CHTF18: variants seen among roughly 807,000 people sequenced by gnomAD.
CHTF18 encodes chromosome transmission fidelity factor 18, also known as chromosome transmission fidelity protein 18 homolog.
A neutral mutation model predicts 113.4 loss-of-function variants in CHTF18; 151 were observed. That is an observed-to-expected ratio of 1.33 (90% confidence interval 1.17 to 1.52). The LOEUF is 1.52. Ranked by LOEUF, CHTF18 falls within the 40% of genes most tolerant of loss-of-function variation. The probability of loss-of-function intolerance (pLI) is 0.00; values close to 1 mark genes in which losing one functional copy is unlikely to be tolerated. For synonymous variants in CHTF18, 916 were observed against 598.8 expected (o/e 1.53, Z -7.74); for missense variants, 1,982 against 1,381.6 (o/e 1.43, Z -6.89).
In CHTF18 at chr16:796,869, C is replaced by T. The variant is rs201745037; in HGVS notation, c.2601+8C>T. On this transcript the variant is annotated splice_region_variant and intron_variant, in intron 19 of 21. Transcript: ENST00000262315. ...GTAGAGAACAGCCCCCAGGTGAGCC[C>T]ACCCAGGCTCTGGAGCAGGTTGCAG... 5.8e-4 allele frequency: 927 copies of T among 1,586,302 alleles called. 5 individuals carry two copies. The highest frequency in any genetic ancestry group is 3.4e-3 in the South Asian group (297 of 87,618).
In CHTF18 at chr16:788,700, C is replaced by G. The variant is rs781389582; in HGVS notation, c.16C>G (p.Gln6Glu). The G allele has an allele frequency of 2.5e-6, 4 of 1,597,602 alleles. No individual in the cohort carries two copies. The African/African-American group carries it at 4.1e-5, about 16-fold the overall frequency. The change falls in exon 1 of 22, where the codon CAG becomes GAG. Residue 6 changes from glutamine to glutamate, a missense_variant. Gln to Glu is a conservative substitution (Grantham distance 29). Coordinates refer to ENST00000262315, the MANE Select transcript of CHTF18 (RefSeq NM_022092.3). MEDYE[Q>E]ELCGVEDDFH... ...CGCGGACGGTATGGAGGACTACGAG[C>G]AGGAGCTGTGCGGCGTCGAGGATGA...
rs149274107 is a variant in CHTF18, at chr16:790,607, C to G, written c.835C>G (p.His279Asp). ...EPTDGQDASS[H>D]CLWVDEFAPR... ...GACTGACGGTCAAGACGCCTCCAGT[C>G]ACTGCCTCTGGGTGGATGAGTTTGC... Residue 279 changes from histidine to aspartate, a missense_variant, in exon 7 of 22, where the codon CAC becomes GAC. Transcript: ENST00000262315. The G allele has an allele frequency of 1.3e-3, 2,021 of 1,596,418 alleles. 21 individuals carry two copies. In the African/African-American group the frequency reaches 0.024, roughly 19 times the overall value.
chr16:790,783 C>T (rs2042176273), intron 7 of CHTF18, 117 bp downstream of exon 7: 2 of 1,436,888 alleles, frequency 1.4e-6, no homozygotes, highest in Non-Finnish European at 1.8e-6. Flanking sequence ...GGAGTGGGCT[C>T]TGGTTTGCCC....
chr16:792,668 TG>T lies in CHTF18; in HGVS notation c.1479-47del, dbSNP rs1455910181. ...AGGGTTCCGGCCCGTCCCTGTGTCC[TG>T]GGCTGTGGTGCCAACCCTGGGGTCC... On this transcript the variant is annotated intron_variant, in intron 11 of 21. Transcript: ENST00000262315. The T allele has an allele frequency of 2.5e-6, 4 of 1,587,658 alleles. No homozygotes were observed. The East Asian group carries it at 6.8e-5, about 27-fold the overall frequency.
chr16:796,129 G>C, intron 18 of CHTF18, 52 bp downstream of exon 18: 3 of 1,563,800 alleles, frequency 1.9e-6, no homozygotes, highest in Non-Finnish European at 2.6e-6. Flanking sequence ...CCCCGGCTGT[G>C]CTCCATGTTC....
chr16:791,368 A>G lies in CHTF18; in HGVS notation c.1102A>G (p.Lys368Glu). ...GGACCCGAGCCAGCGACCGAAGCAG[A>G]AGGTGAGCCCCGCTGGCTGTGCCGC... Reference protein sequence around the residue: ...GLDPSQRPKQKVALLCGPPGL... With the variant: ...GLDPSQRPKQEVALLCGPPGL... The change falls in exon 8 of 22, where the codon AAG becomes GAG. Residue 368 changes from lysine to glutamate, a missense_variant and splice_region_variant. By Grantham distance (56) the Lys-to-Glu change is moderately conservative. Transcript: ENST00000262315. 1.9e-6 allele frequency: 3 copies of G among 1,600,594 alleles called. No individual in the cohort carries two copies. The highest frequency in any genetic ancestry group is 2.2e-5 in the East Asian group (1 of 44,578).
chr16:790,759 T>C, intron 7 of CHTF18, 93 bp downstream of exon 7: 3 of 1,445,110 alleles, frequency 2.1e-6, no homozygotes, highest in East Asian at 2.5e-5. Flanking sequence ...GCCAATCCAC[T>C]GGGCCTCGGA....
chr16:794,263 C>T, intron 15 of CHTF18, 62 bp downstream of exon 15: 2 of 1,564,708 alleles, frequency 1.3e-6, no homozygotes, highest in Non-Finnish European at 8.7e-7. Context: ...GGCTGTGCCC[C>T]TGCCCCTGCC....
rs1196600127 is a variant in CHTF18 at position 789,320 on chromosome 16, C to T, written c.397C>T (p.Pro133Ser). Residue 133 changes from proline (P) to serine (S), a missense_variant, in exon 3 of 22, where the codon CCG (proline) becomes TCG (serine). Pro to Ser is a moderately conservative substitution (Grantham distance 74). Coordinates refer to ENST00000262315, the MANE Select transcript of CHTF18 (RefSeq NM_022092.3). ...PDSSPTDITP[P>S]PSPEDLAELW... ...CTCCTCGCCGACGGACATCACCCCG[C>T]CGCCGAGCCCTGAGGACCTCGCAGA... The T allele has an allele frequency of 3.7e-6, 6 of 1,601,660 alleles. No individual in the cohort carries two copies. The Admixed American group carries it at 8.5e-5, about 23-fold the overall frequency.
chr16:796,995 TGG>T lies in CHTF18; in HGVS notation c.2641_2642del (p.Gly881HisfsTer15), dbSNP rs1475953622. ...AGCCCCCCAGGGCTCGAGGGTCTGC[TGG>T]GGGGCATTGGGGAGAAAGGGGTGCA... is the stretch of plus-strand genomic sequence containing the variant. On this transcript the variant is annotated frameshift_variant, in exon 20 of 22. Transcript: ENST00000262315. LOFTEE classifies it high-confidence loss of function. 1.3e-6 allele frequency: 2 copies of T among 1,542,448 alleles called. No homozygotes were observed.
In CHTF18 at chr16:795,906, C is replaced by T. The variant is rs375435023; in HGVS notation, c.2326-41C>T. 11 of 1,601,174 alleles carry T rather than the reference C, an allele frequency of 6.9e-6. No individual in the cohort carries two copies. The East Asian group carries it at 1.3e-4, about 20-fold the overall frequency. On this transcript the variant is annotated intron_variant, in intron 17 of 21. Transcript: ENST00000262315. ...TGTCCTAGGTGAGCACACATTTGTA[C>T]AGCCTGCTCAGCTCCCTGTCTGCTG...
At position 790,503 on chromosome 16, in the gene CHTF18, C is replaced by T. The variant is rs1382257936; in HGVS notation, c.753-22C>T. Reference sequence around the variant, plus strand: ...CATGGTCCCTGCGAGTTGTTTGTGGCTCAGGACGTGGTCCTCTCCAGTCTC... The same window carrying T: ...CATGGTCCCTGCGAGTTGTTTGTGGTTCAGGACGTGGTCCTCTCCAGTCTC... On this transcript the variant is annotated intron_variant, in intron 6 of 21. Coordinates refer to ENST00000262315, the MANE Select transcript of CHTF18 (RefSeq NM_022092.3). 1.0e-5 allele frequency: 16 copies of T among 1,604,182 alleles called. No individual in the cohort carries two copies. In the Admixed American group the frequency reaches 1.7e-4, roughly 17 times the overall value.
At chr16:794,669 C>T (rs2042289536) in intron 15 of CHTF18, 1 of 228,052 alleles carries the variant, frequency 4.4e-6, no homozygotes. Flanking sequence ...CAACCAATCC[C>T]CAAATCCCAA....
At chr16:789,967 C>G (rs116943840) in intron 4 of CHTF18, 1 of 1,534,538 alleles carries the variant, frequency 6.5e-7, no homozygotes, top group South Asian at 1.2e-5. Context: ...TTTGCCCTTT[C>G]CTCCTTTCTC....
intron 10 of CHTF18, 27 bp downstream of exon 10, chr16:792,374 G>A (rs1216505873): frequency 1.3e-6 from 2 of 1,560,714 alleles, no homozygotes; most frequent in East Asian, 2.4e-5. Flanking sequence ...CTGGGTAGGT[G>A]GGTGGGCGGG....
chr16:797,761 G>C lies in CHTF18; in HGVS notation c.2791+10G>C, dbSNP rs950478170. 1 of 1,610,008 alleles carries C rather than the reference G, an allele frequency of 6.2e-7. No individual in the cohort carries two copies. The highest frequency in any genetic ancestry group is 8.5e-7 in the Non-Finnish European group (1 of 1,179,460). On this transcript the variant is annotated intron_variant, in intron 21 of 21. Coordinates refer to ENST00000262315, the MANE Select transcript of CHTF18 (RefSeq NM_022092.3). ...GCAGTCCCGAGTGCAGGTGTGTGTG[G>C]GGGTGTTGTGGGGTTGTGGGGGGCC...
chr16:796,198 C>T, intron 18 of CHTF18, 121 bp downstream of exon 18: 2 of 1,313,868 alleles, frequency 1.5e-6, no homozygotes, highest in Non-Finnish European at 2.1e-6. Context: ...GGGTGGCGGG[C>T]CCCAGCTTAT....
At chr16:793,612 T>G (rs1342026112) in intron 14 of CHTF18, 3 of 528,388 alleles carry the variant, frequency 5.7e-6, no homozygotes, top group Non-Finnish European at 6.9e-6. Context: ...TGGGCTGTGG[T>G]CTCTGAGCCC....
intron 16 of CHTF18, 43 bp downstream of exon 16, chr16:795,399 CG>C (rs1182404126): frequency 1.3e-5 from 19 of 1,480,668 alleles, no homozygotes; most frequent in African/African-American, 1.2e-4. Context: ...GCCCCGTGCC[CG>C]CCCCCCTGTG....
Sources: gnomAD v4.1 joint callset for allele counts on GRCh38, gnomAD v4.1.1 for gene constraint, MANE v1.5 for transcripts, NCBI Gene and HGNC (gene_info 2026-07-23, HGNC 2026-07-21) for gene names.